CELF1: variants seen among roughly 807,000 people sequenced by gnomAD.
CELF1 encodes 50 kDa nuclear polyadenylated RNA-binding protein.
Under a neutral mutation model 61.8 loss-of-function variants are expected in CELF1, and 10 were observed. That is an observed-to-expected ratio of 0.16 (90% CI 0.10 to 0.27). The LOEUF is 0.27. CELF1 is among the 10% of genes least tolerant of loss of function. The pLI is 1.00. For synonymous variants in CELF1, 236 were observed against 225.1 expected (o/e 1.05, Z -0.43); for missense variants, 380 against 639.1 (o/e 0.59, Z 4.37).
In CELF1 at chr11:47,541,751, A is replaced by AC. The variant is rs2096796831; in HGVS notation, c.-154+11240_-154+11241insG. On this transcript the variant is annotated intron_variant, in intron 1 of 14. Coordinates refer to ENST00000687097, the MANE Select transcript of CELF1 (RefSeq NM_001376376.1). The stretch of plus-strand genomic sequence containing the variant: ...GAACGAAAGAAAGAACGAAAGAAAG[A>AC]AAGAACGAAAGAAAGAACGAAAGAA... Among the ~76,000 whole-genome samples, 2 of 10,560 alleles carry AC rather than the reference A, an allele frequency of 1.9e-4. 1 individual carries two copies. Among genetic ancestry groups the AC allele is most frequent in the African/African-American group, 4.3e-4 (2 of 4,674 alleles). 6.9% of individuals were successfully genotyped at this position (10,560 alleles called of 152,430 possible). A position where few individuals can be genotyped will look rare whatever the true frequency, so the allele number is the denominator to read the frequency against.
intron 3 of CELF1, among the ~76,000 whole-genome samples, 153 bp from the exon 4 acceptor site, chr11:47,489,177 G>A (rs2089572679): frequency 6.6e-6 from 1 of 151,750 alleles, no homozygotes; most frequent in African/African-American, 2.4e-5. Flanking sequence ...AGAGTTCCCT[G>A]GTTCTCCCTC....
rs1327611686 is a variant in CELF1, at chr11:47,558,548, T to TG, written c.-11+5802_-11+5803insC. Among the ~76,000 whole-genome samples the TG allele has an allele frequency of 1.1e-3, 118 of 104,928 alleles. 3 individuals carry two copies. Among genetic ancestry groups the TG allele is most frequent in the African/African-American group, 5.0e-3 (109 of 21,938 alleles). 68.8% of individuals were successfully genotyped at this position (104,928 alleles called of 152,430 possible). On this transcript the variant is annotated intron_variant, in intron 2 of 3. Transcript: ENST00000525841. ...ATATGTATATATTTATATATTTATA[T>TG]TATATATATTTATATATAATATATA...
intron 9 of CELF1, among the ~76,000 whole-genome samples, chr11:47,479,988 G>A (rs1238224591): frequency 6.6e-6 from 1 of 151,794 alleles, no homozygotes; most frequent in Non-Finnish European, 1.5e-5. Flanking sequence ...AACTCCTCCA[G>A]GACAGTAGAG....
rs984026619 is a variant in CELF1 at position 47,536,526 on chromosome 11, A to G, written c.-154+16466T>C. ...GTAATCTCAGCACTTTGGGAGGCCA[A>G]GGTGAGCAGATTACCTGAGGTCAGG... On this transcript the variant is annotated intron_variant, in intron 1 of 14. Coordinates refer to ENST00000687097, the MANE Select transcript of CELF1 (RefSeq NM_001376376.1). Among the ~76,000 whole-genome samples, 8 of 152,222 alleles carry G rather than the reference A, an allele frequency of 5.3e-5. No homozygotes were observed. The South Asian group carries it at 1.5e-3, about 28-fold the overall frequency.
intron 1 of CELF1, among the ~76,000 whole-genome samples, chr11:47,543,668 G>C (rs2153734015): frequency 6.6e-6 from 1 of 152,236 alleles, no homozygotes; most frequent in East Asian, 1.9e-4. Context: ...CAACTACTCA[G>C]GAGGCTGAGA....
At chr11:47,519,474 C>T (rs1683895386) in intron 1 of CELF1, among the ~76,000 whole-genome samples, 1 of 142,690 alleles carries the variant, frequency 7.0e-6, no homozygotes. Flanking sequence ...AGCGAGACTC[C>T]ATCTCTAAAT....
At chr11:47,509,357 C>T (rs573215167) in intron 1 of CELF1, among the ~76,000 whole-genome samples, 26 of 152,106 alleles carry the variant, frequency 1.7e-4, no homozygotes, top group Admixed American at 1.1e-3. Flanking sequence ...AATGCAAGAA[C>T]CAGGAAGTAC....
intron 1 of CELF1, among the ~76,000 whole-genome samples, chr11:47,552,368 G>A (rs576867172): frequency 4.6e-5 from 7 of 152,346 alleles, no homozygotes; most frequent in African/African-American, 1.2e-4. Context: ...AGCGAAGAAA[G>A]CGCTTTAATG....
intron 1 of CELF1, among the ~76,000 whole-genome samples, chr11:47,535,053 A>C (rs1398023014): frequency 6.6e-6 from 1 of 152,168 alleles, no homozygotes; most frequent in Non-Finnish European, 1.5e-5. Context: ...CCATAGATCT[A>C]GCTTAGCCCC....
At chr11:47,526,896 C>T (rs571296543) in intron 1 of CELF1, among the ~76,000 whole-genome samples, 1 of 152,074 alleles carries the variant, frequency 6.6e-6, no homozygotes, top group African/African-American at 2.4e-5. Context: ...ATTAAAAATA[C>T]AAAAATTAGC....
In CELF1 at chr11:47,471,623, G is replaced by A. The variant is rs1255428636; in HGVS notation, c.*607C>T. The A allele has an allele frequency of 6.6e-6, 1 of 152,200 alleles. No homozygotes were observed. Among genetic ancestry groups the A allele is most frequent in the Non-Finnish European group, 1.5e-5 (1 of 68,046 alleles). The allele number at this position is 152,200 out of a possible 1,614,324, so 9.4% of individuals were successfully genotyped here. On this transcript the variant is annotated 3_prime_UTR_variant, in exon 15 of 15. Transcript: ENST00000687097. ...ATTCCGGACAAGAATCTGAAAAATA[G>A]GTGTCAAAAACTATTTCCCAGAAGG...
intron 1 of CELF1, chr11:47,515,012 C>A (rs772414442): frequency 6.6e-6 from 1 of 152,220 alleles, no homozygotes; most frequent in Non-Finnish European, 1.5e-5. Flanking sequence ...GAATCTAATT[C>A]TTTCTATAGT....
intron 3 of CELF1, chr11:47,495,967 C>T (rs547296560): frequency 2.0e-6 from 2 of 985,230 alleles, no homozygotes; most frequent in Admixed American, 1.2e-4. Context: ...CCCCAGCAGG[C>T]AAAAATACTT....
At chr11:47,546,800 C>A (rs1166456250) in intron 1 of CELF1, among the ~76,000 whole-genome samples, 1 of 151,994 alleles carries the variant, frequency 6.6e-6, no homozygotes, top group East Asian at 1.9e-4. Flanking sequence ...CACAGTGGCT[C>A]ACACCTGTAA....
chr11:47,479,270 G>A (rs554965130), intron 9 of CELF1, among the ~76,000 whole-genome samples: 3 of 152,298 alleles, frequency 2.0e-5, no homozygotes, highest in South Asian at 2.1e-4. Context: ...GAGGAGCTAC[G>A]CAGTCAACTG....
chr11:47,540,475 A>G (rs1263697425), intron 1 of CELF1, among the ~76,000 whole-genome samples: 3 of 152,210 alleles, frequency 2.0e-5, no homozygotes, highest in African/African-American at 7.2e-5. Flanking sequence ...ATCATGCAGT[A>G]ATCACCCACT....
chr11:47,486,606 C>A lies in CELF1; in HGVS notation c.391+144G>T, dbSNP rs991862031. On this transcript the variant is annotated intron_variant, in intron 6 of 14. Coordinates refer to ENST00000687097, the MANE Select transcript of CELF1 (RefSeq NM_001376376.1). ...TGTATTTTTAGTAGAGACGGGGTTT[C>A]ACCATGTTGGCCAGACTGGCTCGAA... 7.5e-6 allele frequency: 5 copies of A among 668,000 alleles called. No homozygotes were observed. In the South Asian group the frequency reaches 8.1e-5, roughly 11 times the overall value. 41.4% of individuals were successfully genotyped at this position (668,000 alleles called of 1,614,324 possible). A position where few individuals can be genotyped will look rare whatever the true frequency, so the allele number is the denominator to read the frequency against.
intron 1 of CELF1, among the ~76,000 whole-genome samples, chr11:47,507,961 A>T (rs2094654240): frequency 6.6e-6 from 1 of 152,156 alleles, no homozygotes; most frequent in South Asian, 2.1e-4. Flanking sequence ...CTCTACCATC[A>T]AAAGTTACCA....
intron 1 of CELF1, among the ~76,000 whole-genome samples, chr11:47,517,713 C>T (rs545645310): frequency 4.0e-5 from 6 of 148,860 alleles, no homozygotes; most frequent in Admixed American, 3.3e-4. Flanking sequence ...AGTACAATGG[C>T]GCAATATTGG....
Sources: gnomAD v4.1 joint callset for allele counts (sites outside exome capture counted in the v4.1 genomes callset) on GRCh38, gnomAD v4.1.1 for gene constraint, MANE v1.5 for transcripts, NCBI Gene and HGNC (gene_info 2026-07-23, HGNC 2026-07-21) for gene names.